KPNA1: variants seen among roughly 807,000 people sequenced by gnomAD.
KPNA1 encodes the protein karyopherin subunit alpha 1.
Under a neutral mutation model 70.5 loss-of-function variants are expected in KPNA1, and 10 were observed. The observed-to-expected ratio is 0.14, with a 90% CI of 0.09 to 0.24. KPNA1 has a LOEUF of 0.24. Among genes scored for constraint, KPNA1 ranks in the 10% least tolerant of loss-of-function variants. The pLI, the probability that KPNA1 is intolerant of heterozygous loss-of-function variation, is 1.00. For synonymous variants in KPNA1, 192 were observed against 221.9 expected, an observed-to-expected ratio of 0.87 and a Z score of 1.20; for missense variants, 397 against 637.9, an observed-to-expected ratio of 0.62 and a Z score of 4.07.
intron 6 of KPNA1, among the ~76,000 whole-genome samples, chr3:122,452,560 G>GGGAGGGAA (rs1560028471): frequency 6.9e-4 from 24 of 34,794 alleles, no homozygotes; most frequent in South Asian, 1.8e-3. Flanking sequence ...GAGGGAGGGA[G>GGGAGGGAA]GGAGGGAAGG....
At chr3:122,511,612 T>C (rs953604857) in intron 1 of KPNA1, among the ~76,000 whole-genome samples, 1 of 152,246 alleles carries the variant, frequency 6.6e-6, no homozygotes, top group Non-Finnish European at 1.5e-5. Context: ...TCAGTTGGCC[T>C]CAGGCCATCT....
At position 122,496,584 on chromosome 3, in the gene KPNA1, G is replaced by T; in HGVS notation, c.-5-14C>A. 6.2e-7 allele frequency: 1 copy of T among 1,611,240 alleles called. No individual in the cohort carries two copies. The highest frequency in any genetic ancestry group is 8.5e-7 in the Non-Finnish European group (1 of 1,178,268). The stretch of plus-strand genomic sequence containing the variant: ...TGGTCATGATTTCTACAATACAAGT[G>T]GGGAGAGAACAAATGAGTTTACTGT... On this transcript the variant is annotated splice_polypyrimidine_tract_variant and intron_variant, in intron 1 of 13. Coordinates refer to ENST00000344337, the MANE Select transcript of KPNA1 (RefSeq NM_002264.4).
intron 2 of KPNA1, among the ~76,000 whole-genome samples, chr3:122,491,803 G>GTAA (rs895391342): frequency 2.0e-4 from 28 of 140,508 alleles, no homozygotes; most frequent in Non-Finnish European, 2.6e-4. Context: ...TTAATCGTTA[G>GTAA]TTATAAGAGG....
intron 3 of KPNA1, among the ~76,000 whole-genome samples, chr3:122,466,677 A>G (rs2076383888): frequency 6.6e-6 from 1 of 152,184 alleles, no homozygotes. Context: ...AAACAGGTCA[A>G]TTTTGTAAAT....
chr3:122,507,477 A>T (rs755766065), intron 1 of KPNA1, among the ~76,000 whole-genome samples: 4 of 151,872 alleles, frequency 2.6e-5, no homozygotes, highest in Non-Finnish European at 5.9e-5. Context: ...ATATCAGCAT[A>T]TAAAATTTGA....
chr3:122,445,061 G>A (rs2076118514), intron 9 of KPNA1, among the ~76,000 whole-genome samples: 1 of 152,218 alleles, frequency 6.6e-6, no homozygotes, highest in African/African-American at 2.4e-5. Context: ...ACTTTGACGA[G>A]TTGACAGAAG....
intron 3 of KPNA1, 50 bp downstream of exon 3, chr3:122,467,272 A>G: frequency 9.9e-7 from 1 of 1,005,584 alleles, no homozygotes; most frequent in Non-Finnish European, 1.5e-6. Context: ...AAGGAAATCT[A>G]CATCTCATAT....
chr3:122,481,495 A>G (rs2076570009), intron 2 of KPNA1, among the ~76,000 whole-genome samples: 1 of 152,218 alleles, frequency 6.6e-6, no homozygotes, highest in South Asian at 2.1e-4. Context: ...CAGAAAGTAG[A>G]TAAGGGTTGA....
chr3:122,498,777 A>C lies in KPNA1; in HGVS notation c.-5-2207T>G, dbSNP rs145092445. 3.3e-3 allele frequency among the ~76,000 whole-genome samples: 498 copies of C among 152,276 alleles called. 3 individuals carry two copies. The highest frequency in any genetic ancestry group is 0.012 in the African/African-American group (478 of 41,550). ...ATATGAACTTTAGAATCAGTTTGTC[A>C]ATTTCTATGAAGAAGTCAGCTATGA... On this transcript the variant is annotated intron_variant, in intron 1 of 13. Coordinates refer to ENST00000344337, the MANE Select transcript of KPNA1 (RefSeq NM_002264.4).
At chr3:122,491,469 G>A (rs562672973) in intron 2 of KPNA1, among the ~76,000 whole-genome samples, 11 of 152,278 alleles carry the variant, frequency 7.2e-5, no homozygotes, top group South Asian at 6.2e-4. Flanking sequence ...AAACTGTAGC[G>A]GCCGTTGGTT....
intron 12 of KPNA1, 54 bp downstream of exon 12, chr3:122,433,607 G>T (rs1391827175): frequency 4.7e-6 from 7 of 1,474,482 alleles, no homozygotes; most frequent in Non-Finnish European, 6.4e-6. Context: ...TAAAGTGATA[G>T]ACACAATAAT....
intron 2 of KPNA1, among the ~76,000 whole-genome samples, chr3:122,470,515 A>C (rs2076429435): frequency 6.6e-6 from 1 of 151,978 alleles, no homozygotes; most frequent in Admixed American, 6.6e-5. Context: ...CCGTCTCAAA[A>C]ATAAATAAAC....
At chr3:122,448,365 T>A (rs1379721124) in intron 9 of KPNA1, among the ~76,000 whole-genome samples, 1 of 152,174 alleles carries the variant, frequency 6.6e-6, no homozygotes, top group Non-Finnish European at 1.5e-5. Flanking sequence ...AGTGATAGAC[T>A]GGATTAAGAA....
At chr3:122,431,436 C>T (rs144865507) in intron 12 of KPNA1, among the ~76,000 whole-genome samples, 85 of 152,284 alleles carry the variant, frequency 5.6e-4, no homozygotes, top group African/African-American at 1.9e-3. Flanking sequence ...GAATTACAGA[C>T]ATGAGCCACC....
intron 5 of KPNA1, chr3:122,460,162 A>C (rs1489427882): frequency 2.3e-5 from 23 of 985,082 alleles, no homozygotes; most frequent in Non-Finnish European, 2.8e-5. Context: ...ACAGGTGAGA[A>C]TTTAGGGATC....
chr3:122,451,736 T>G, intron 7 of KPNA1, 103 bp from the exon 8 acceptor site: 1 of 787,010 alleles, frequency 1.3e-6, no homozygotes, highest in Admixed American at 2.8e-5. Context: ...TGTCTTCAGA[T>G]AGCTTTTCTC....
At chr3:122,510,585 T>G (rs550797305) in intron 1 of KPNA1, among the ~76,000 whole-genome samples, 23 of 152,320 alleles carry the variant, frequency 1.5e-4, no homozygotes, top group African/African-American at 5.3e-4. Flanking sequence ...GATAACTATA[T>G]TTGGAGGATG....
At chr3:122,462,326 C>T (rs907978297) in intron 4 of KPNA1, among the ~76,000 whole-genome samples, 2 of 152,114 alleles carry the variant, frequency 1.3e-5, no homozygotes, top group African/African-American at 2.4e-5. Context: ...AACAACAGTT[C>T]GTGAACAAAA....
In KPNA1 at chr3:122,427,558, G is replaced by C; in HGVS notation, c.1409C>G (p.Ala470Gly). 1 of 1,612,080 alleles carries C rather than the reference G, an allele frequency of 6.2e-7. No individual in the cohort carries two copies. Among genetic ancestry groups the C allele is most frequent in the Non-Finnish European group, 8.5e-7 (1 of 1,179,314 alleles). ...RNGTGINPYC[A>G]LIEEAYGLDK... is the part of the protein sequence containing the mutation. ...CTTACCATAAGCTTCTTCAATCAAA[G>C]CACAGTAAGGGTTAATGCCAGTGCC... Residue 470 changes from alanine to glycine, a missense_variant, in exon 13 of 14, where the codon GCT (alanine) becomes GGT (glycine). By Grantham distance (60) the Ala-to-Gly change is moderately conservative. Transcript: ENST00000344337.
Sources: allele counts gnomAD v4.1 joint callset (sites outside exome capture counted in the v4.1 genomes callset), GRCh38; gene constraint gnomAD v4.1.1; transcripts MANE v1.5; gene names NCBI Gene and HGNC (gene_info 2026-07-23, HGNC 2026-07-21).